Variants in ZBTB5 observed in about 807,000 individuals in gnomAD.
ZBTB5 encodes zinc finger and BTB domain-containing protein 5.
A neutral mutation model predicts 37.9 loss-of-function variants in ZBTB5; 15 were observed. That is an observed-to-expected ratio of 0.40 (90% CI 0.26 to 0.61). The LOEUF (loss-of-function observed/expected upper bound fraction) is 0.61. ZBTB5 is among the 20% of genes least tolerant of loss of function. The pLI, the probability that ZBTB5 is intolerant of heterozygous loss-of-function variation, is 0.47. For synonymous variants in ZBTB5, 315 were observed against 312.4 expected, an observed-to-expected ratio of 1.01 and a Z score of -0.09; for missense variants, 708 against 856.8, an observed-to-expected ratio of 0.83 and a Z score of 2.17.
chr9:37,442,019 T>C lies in ZBTB5; in HGVS notation c.533A>G (p.Asn178Ser), dbSNP rs763282893. 1 of 1,613,864 alleles carries C rather than the reference T, an allele frequency of 6.2e-7. No individual in the cohort carries two copies. Among genetic ancestry groups the C allele is most frequent in the Non-Finnish European group, 8.5e-7 (1 of 1,180,034 alleles). Residue 178 changes from asparagine to serine, a missense_variant, in exon 2 of 2, where the codon AAC becomes AGC. This residue lies in a region of ZBTB5 where 639 missense variants were observed against 690.5 expected (regional missense o/e 0.93). Coordinates refer to ENST00000307750, the MANE Select transcript of ZBTB5 (RefSeq NM_014872.3). ...GGGGAAGGGCGTGCGCTGATCCAGG[T>C]TACTGCGCATGGAAGAGCTCATGGG... ...PAPMSSSMRS[N>S]LDQRTPFPMR...
At chr9:37,457,923 C>G (rs1824222643) in intron 1 of ZBTB5, among the ~76,000 whole-genome samples, 1 of 152,194 alleles carries the variant, frequency 6.6e-6, no homozygotes, top group African/African-American at 2.4e-5. Flanking sequence ...TACAAGTCAT[C>G]AGAAAGGTTA....
chr9:37,463,198 T>C (rs1187920839), intron 1 of ZBTB5, among the ~76,000 whole-genome samples: 4 of 152,146 alleles, frequency 2.6e-5, no homozygotes, highest in Admixed American at 6.5e-5. Context: ...CAAAGAGCAA[T>C]AGTTCACTCA....
Position 37,442,193 on chromosome 9 carries a change from G to T in ZBTB5, c.359C>A (p.Thr120Lys). 1.2e-6 allele frequency: 2 copies of T among 1,614,234 alleles called. No individual in the cohort carries two copies. The highest frequency in any genetic ancestry group is 8.5e-7 in the Non-Finnish European group (1 of 1,180,044). ...SVVKACKHYL[T>K]TRTLPMSPPS... is the part of the protein sequence containing the mutation. Reference sequence around the variant, plus strand: ...GGGAGACATGGGCAGCGTCCTTGTCGTTAAGTAATGTTTACATGCCTTAAC... The same window carrying T: ...GGGAGACATGGGCAGCGTCCTTGTCTTTAAGTAATGTTTACATGCCTTAAC... The change falls in exon 2 of 2, where the codon ACG becomes AAG. Residue 120 changes from threonine to lysine, a missense_variant. Physicochemically the swap from Thr to Lys is moderately conservative, Grantham distance 78. This residue lies in a region of ZBTB5 where 639 missense variants were observed against 690.5 expected (regional missense o/e 0.93). Transcript: ENST00000307750.
In ZBTB5 at chr9:37,441,393, C is replaced by A. The variant is rs767202452; in HGVS notation, c.1159G>T (p.Asp387Tyr). 1 of 1,614,052 alleles carries A rather than the reference C, an allele frequency of 6.2e-7. No individual in the cohort carries two copies. The highest frequency in any genetic ancestry group is 2.2e-5 in the East Asian group (1 of 44,876). ...AAAATATGGATATCACCTACCCTGT[C>A]TGTGCTAGACTGGGGATCTGAAAAA... ...RSFSDPQSSTDRVGDIHILEV... is the reference protein window; with the variant it reads ...RSFSDPQSSTYRVGDIHILEV... The change falls in exon 2 of 2, where the codon GAC becomes TAC. Residue 387 changes from aspartate to tyrosine, a missense_variant. Physicochemically the swap from Asp to Tyr is radical, Grantham distance 160. Coordinates refer to ENST00000307750, the MANE Select transcript of ZBTB5 (RefSeq NM_014872.3).
chr9:37,464,620 A>G (rs1261987769), intron 1 of ZBTB5, among the ~76,000 whole-genome samples: 9 of 152,250 alleles, frequency 5.9e-5, no homozygotes, highest in Non-Finnish European at 1.3e-4. Context: ...ATGGGACGGC[A>G]GTGTCTTACC....
At chr9:37,453,327 C>CAGGCACAGACCACCACACGCAGCTTTT in intron 1 of ZBTB5, among the ~76,000 whole-genome samples, 1 of 151,930 alleles carries the variant, frequency 6.6e-6, no homozygotes, top group Non-Finnish European at 1.5e-5. Context: ...GCTGGGATTA[C>CAGGCACAGACCACCACACGCAGCTTTT]AGGCACAGAC....
intron 1 of ZBTB5, among the ~76,000 whole-genome samples, chr9:37,447,895 T>C (rs962030708): frequency 5.3e-5 from 8 of 151,940 alleles, no homozygotes; most frequent in African/African-American, 1.9e-4. Flanking sequence ...GTGGCTCATA[T>C]CTGTAATTCC....
intron 1 of ZBTB5, among the ~76,000 whole-genome samples, chr9:37,459,592 T>C (rs1824253404): frequency 6.6e-6 from 1 of 151,800 alleles, no homozygotes; most frequent in Non-Finnish European, 1.5e-5. Context: ...CTCACTCTGT[T>C]ACCCAGGCTG....
Position 37,440,736 on chromosome 9 carries a change from C to T in ZBTB5, c.1816G>A (p.Val606Ile), listed in dbSNP as rs1212721224. ...GCATACTTGCGAGCTCCCTCTACAA[C>T]CAAAACATTGTGCTCTGATAAGGCC... ...KKALSEHNVL[V>I]VEGARKYACK... Residue 606 changes from valine (V) to isoleucine (I), a missense_variant, in exon 2 of 2, where the codon GTT becomes ATT. Physicochemically the swap from Val to Ile is conservative, Grantham distance 29. Around this residue, in one of 3 missense-constraint regions of ZBTB5, gnomAD observed 42 missense variants for 107.9 expected, o/e 0.39. Transcript: ENST00000307750. 1.9e-6 allele frequency: 3 copies of T among 1,614,232 alleles called. No individual in the cohort carries two copies. Among genetic ancestry groups the T allele is most frequent in the South Asian group, 2.2e-5 (2 of 91,088 alleles).
Position 37,444,398 on chromosome 9 carries a change from C to T in ZBTB5, c.-4-1843G>A, listed in dbSNP as rs535730983. ...ATTTTTAGTAGAGACAGGGGTTTTA[C>T]CTTGTTGGTCAGGCTGGTTTTGAAC... On this transcript the variant is annotated intron_variant, in intron 1 of 1. Transcript: ENST00000307750. 3.0e-4 allele frequency among the ~76,000 whole-genome samples: 45 copies of T among 152,232 alleles called. No homozygotes were observed. In the South Asian group the frequency reaches 6.0e-3, roughly 20 times the overall value.
At chr9:37,449,026 G>C (rs186915323) in intron 1 of ZBTB5, among the ~76,000 whole-genome samples, 53 of 152,086 alleles carry the variant, frequency 3.5e-4, no homozygotes, top group Middle Eastern at 3.4e-3. Context: ...CCTGGTGACA[G>C]AGCGAGACTC....
rs1378613730 is a variant in ZBTB5 at position 37,439,220 on chromosome 9, A to G, written c.*1298T>C. On this transcript the variant is annotated 3_prime_UTR_variant, in exon 2 of 2. Coordinates refer to ENST00000307750, the MANE Select transcript of ZBTB5 (RefSeq NM_014872.3). ...CACTAACAGCCCTGATGGCAGTGTC[A>G]GAGGACAGCAAGGTGAGGCTGGGGA... 2 of 152,268 alleles carry G rather than the reference A, an allele frequency of 1.3e-5. No individual in the cohort carries two copies. Among genetic ancestry groups the G allele is most frequent in the Non-Finnish European group, 2.9e-5 (2 of 68,066 alleles). 9.4% of individuals were successfully genotyped at this position (152,268 alleles called of 1,614,324 possible).
intron 1 of ZBTB5, among the ~76,000 whole-genome samples, chr9:37,456,316 T>C (rs1267321545): frequency 6.6e-6 from 1 of 152,040 alleles, no homozygotes; most frequent in Admixed American, 6.6e-5. Flanking sequence ...CATCCATCCA[T>C]TGTTCTAATT....
chr9:37,438,641 AG>A lies in ZBTB5; in HGVS notation c.*1876del, dbSNP rs1171385091. The A allele has an allele frequency of 2.0e-5, 3 of 152,338 alleles. No individual in the cohort carries two copies. Among genetic ancestry groups the A allele is most frequent in the Admixed American group, 6.5e-5 (1 of 15,284 alleles). 9.4% of individuals were successfully genotyped at this position (152,338 alleles called of 1,614,324 possible). ...GTCACTGGCTCCTCTCCCTGGGTCCAGGCAGGGCCTCTCATTTTCTCCAGGC... is the reference window on the plus strand; with the variant it reads ...GTCACTGGCTCCTCTCCCTGGGTCCAGCAGGGCCTCTCATTTTCTCCAGGC... On this transcript the variant is annotated 3_prime_UTR_variant, in exon 2 of 2. Coordinates refer to ENST00000307750, the MANE Select transcript of ZBTB5 (RefSeq NM_014872.3).
intron 1 of ZBTB5, among the ~76,000 whole-genome samples, chr9:37,451,019 A>C (rs983870946): frequency 4.6e-5 from 7 of 152,080 alleles, no homozygotes; most frequent in Admixed American, 6.6e-5. Context: ...TCTCTACCAA[A>C]AATACAAAAA....
chr9:37,442,462 C>T lies in ZBTB5; in HGVS notation c.90G>A (p.Val30=), dbSNP rs186371893. 147 of 1,614,142 alleles carry T rather than the reference C, an allele frequency of 9.1e-5. 1 individual carries two copies. In the East Asian group the frequency reaches 3.1e-3, roughly 34 times the overall value. ...HGQLCDCVIV[V]GNRHFKAHRS... is the part of the protein sequence containing the mutation. Reference sequence around the variant, plus strand: ...GGTGGGCTTTAAAGTGTCTATTCCCCACTACAATGACACAATCACAGAGCT... The same window carrying T: ...GGTGGGCTTTAAAGTGTCTATTCCCTACTACAATGACACAATCACAGAGCT... Residue 30 remains valine, a synonymous_variant, in exon 2 of 2, where the codon GTG becomes GTA. Transcript: ENST00000307750.
At chr9:37,458,604 T>C (rs929538277) in intron 1 of ZBTB5, among the ~76,000 whole-genome samples, 1 of 152,244 alleles carries the variant, frequency 6.6e-6, no homozygotes, top group Non-Finnish European at 1.5e-5. Context: ...AGGTGAAAAT[T>C]AGTATTTTGG....
In ZBTB5 at chr9:37,442,571, G is replaced by C; in HGVS notation, c.-4-16C>G. 6.4e-7 allele frequency: 1 copy of C among 1,570,590 alleles called. No individual in the cohort carries two copies. Among genetic ancestry groups the C allele is most frequent in the Non-Finnish European group, 8.7e-7 (1 of 1,154,888 alleles). ...ATCCATGATCCTACAGAAAAACAAA[G>C]AAAGAAAATGTTAAGACCTAGAAAA... On this transcript the variant is annotated splice_polypyrimidine_tract_variant and intron_variant, in intron 1 of 1. Transcript: ENST00000307750.
rs190685437 is a variant in ZBTB5, at chr9:37,438,882, G to C, written c.*1636C>G. Reference sequence around the variant, plus strand: ...TTTCCCTTTGGGCTTTTCTTCCTGGGAATCAGTCCATGGGAGATGCCAAGC... The same window carrying C: ...TTTCCCTTTGGGCTTTTCTTCCTGGCAATCAGTCCATGGGAGATGCCAAGC... On this transcript the variant is annotated 3_prime_UTR_variant, in exon 2 of 2. Transcript: ENST00000307750. 5 of 152,266 alleles carry C rather than the reference G, an allele frequency of 3.3e-5. No homozygotes were observed. Among genetic ancestry groups the C allele is most frequent in the Admixed American group, 2.6e-4 (4 of 15,296 alleles). 9.4% of individuals were successfully genotyped at this position (152,266 alleles called of 1,614,324 possible).
Sources: gnomAD v4.1 joint callset for allele counts (sites outside exome capture counted in the v4.1 genomes callset) on GRCh38, gnomAD v4.1.1 for gene constraint, gnomAD v4.1.1 regional missense constraint, MANE v1.5 for transcripts, NCBI Gene and HGNC (gene_info 2026-07-23, HGNC 2026-07-21) for gene names.